Variants in SH2D3C observed in about 807,000 individuals in gnomAD.
SH2D3C encodes SH2 domain containing 3C.
In SH2D3C, 25 loss-of-function variants were observed where a neutral mutation model predicts 75.2. The observed-to-expected ratio is 0.33, with a 90% CI of 0.24 to 0.46. SH2D3C has a LOEUF of 0.46. SH2D3C is among the 20% of genes least tolerant of loss of function. The probability of loss-of-function intolerance (pLI) is 1.00; values close to 1 mark genes in which losing one functional copy is unlikely to be tolerated. For synonymous variants in SH2D3C, 450 were observed against 473.7 expected (o/e 0.95, Z 0.65); for missense variants, 933 against 1,165.3 (o/e 0.80, Z 2.90).
At chr9:127,762,223 C>T (rs1845545438) in intron 2 of SH2D3C, 1 of 1,201,778 alleles carries the variant, frequency 8.3e-7, no homozygotes. Context: ...GATTCTGCCC[C>T]CAGGGTGGAG....
chr9:127,749,674 G>A lies in SH2D3C; in HGVS notation c.685-9C>T. 2 of 1,525,002 alleles carry A rather than the reference G, an allele frequency of 1.3e-6. No individual in the cohort carries two copies. The highest frequency in any genetic ancestry group is 2.7e-5 in the African/African-American group (2 of 72,926). 94.5% of individuals were successfully genotyped at this position (1,525,002 alleles called of 1,614,324 possible). A position where few individuals can be genotyped will look rare whatever the true frequency, so the allele number is the denominator to read the frequency against. Reference sequence around the variant, plus strand: ...ACCAAGGTCTCCGAGACCTGCAGAAGGCATGGTTAGGCTGGAGTAGGGTGG... The same window carrying A: ...ACCAAGGTCTCCGAGACCTGCAGAAAGCATGGTTAGGCTGGAGTAGGGTGG... On this transcript the variant is annotated splice_polypyrimidine_tract_variant and intron_variant, in intron 4 of 11. Coordinates refer to ENST00000314830, the MANE Select transcript of SH2D3C (RefSeq NM_170600.3). This position sits in a 1 kb window ranked among gnomAD's most constrained non-coding sequence, Gnocchi z 5.9.
At chr9:127,770,557 G>A (rs1845714515) in intron 2 of SH2D3C, among the ~76,000 whole-genome samples, 2 of 152,166 alleles carry the variant, frequency 1.3e-5, no homozygotes, top group African/African-American at 2.4e-5. Context: ...CTTCTGGAAG[G>A]AATGTTCAAC....
rs545395585 is a variant in SH2D3C, at chr9:127,777,088, G to C, written c.37+1503C>G. Among the ~76,000 whole-genome samples, 3 of 152,296 alleles carry C rather than the reference G, an allele frequency of 2.0e-5. No homozygotes were observed. In the East Asian group the frequency reaches 5.8e-4, roughly 29 times the overall value. ...TGCTCAATAGCCCGTGTGACCTCAA[G>C]CAAGTCTCTGGGCCTCAGCGTTGCC... On this transcript the variant is annotated intron_variant, in intron 1 of 11. Coordinates refer to ENST00000314830, the MANE Select transcript of SH2D3C (RefSeq NM_170600.3).
At chr9:127,758,289 A>C (rs915305357) in intron 3 of SH2D3C, among the ~76,000 whole-genome samples, 4 of 152,178 alleles carry the variant, frequency 2.6e-5, no homozygotes, top group African/African-American at 9.7e-5. Context: ...CTGAGTCTTG[A>C]AACTAAAATT....
intron 2 of SH2D3C, chr9:127,771,366 C>G (rs1418826972): frequency 7.4e-7 from 1 of 1,355,502 alleles, no homozygotes; most frequent in Non-Finnish European, 9.5e-7. Context: ...CGCCCCCAGA[C>G]ACGCCCCTGC....
chr9:127,755,023 G>T, intron 3 of SH2D3C: 2 of 875,446 alleles, frequency 2.3e-6, no homozygotes, highest in South Asian at 5.0e-5. Context: ...GCCCCGGGCG[G>T]AGCGGCCGGG....
rs1305673080 is a variant in SH2D3C, at chr9:127,754,895, G to T, written c.556-3595C>A. On this transcript the variant is annotated intron_variant, in intron 3 of 11. Transcript: ENST00000314830. This position sits in a 1 kb window ranked among gnomAD's most constrained non-coding sequence, Gnocchi z 4.4. ...CCGCCGAACCCTCACCCCGCGGAGC[G>T]CCTGGGCGCCCAGAGGTGAGGCTGG... 2.0e-6 allele frequency: 1 copy of T among 510,390 alleles called. No individual in the cohort carries two copies. The highest frequency in any genetic ancestry group is 3.9e-6 in the Non-Finnish European group (1 of 254,596). 31.6% of individuals were successfully genotyped at this position (510,390 alleles called of 1,614,324 possible). A position where few individuals can be genotyped will look rare whatever the true frequency, so the allele number is the denominator to read the frequency against.
intron 3 of SH2D3C, among the ~76,000 whole-genome samples, chr9:127,757,630 G>GAGATT (rs1554798645): frequency 9.2e-5 from 7 of 76,360 alleles, no homozygotes; most frequent in African/African-American, 3.0e-4. Flanking sequence ...TGATGATGAT[G>GAGATT]ATGATGATGA....
chr9:127,765,517 C>T (rs1465930762), intron 2 of SH2D3C, among the ~76,000 whole-genome samples: 1 of 152,126 alleles, frequency 6.6e-6, no homozygotes, highest in African/African-American at 2.4e-5. Flanking sequence ...CTCTGTGACC[C>T]AGCCTCTGCT....
intron 3 of SH2D3C, among the ~76,000 whole-genome samples, chr9:127,755,509 AT>A (rs1845356794): frequency 6.6e-6 from 1 of 152,158 alleles, no homozygotes; most frequent in Admixed American, 6.5e-5. Flanking sequence ...GTGGGGACCC[AT>A]GGGCCAGCGA....
At chr9:127,770,177 C>T (rs745306126) in intron 2 of SH2D3C, among the ~76,000 whole-genome samples, 22 of 152,102 alleles carry the variant, frequency 1.4e-4, no homozygotes, top group Non-Finnish European at 2.9e-4. Context: ...AAGGTCCCTC[C>T]TCCCTCCTTC....
In SH2D3C at chr9:127,744,826, G is replaced by A; in HGVS notation, c.1538C>T (p.Thr513Ile). The A allele has an allele frequency of 2.5e-6, 4 of 1,614,196 alleles. No homozygotes were observed. Among genetic ancestry groups the A allele is most frequent in the South Asian group, 1.1e-5 (1 of 91,080 alleles). The change falls in exon 7 of 12, where the codon ACC becomes ATC. Residue 513 changes from threonine to isoleucine, a missense_variant. Coordinates refer to ENST00000314830, the MANE Select transcript of SH2D3C (RefSeq NM_170600.3). ...RGSREWAATE[T>I]SSQQARSYGE... Reference sequence around the variant, plus strand: ...ATAGCTCCTGGCCTGCTGGCTGGAGGTCTCAGTCGCTGCCCACTCTCGGCT... The same window carrying A: ...ATAGCTCCTGGCCTGCTGGCTGGAGATCTCAGTCGCTGCCCACTCTCGGCT...
intron 2 of SH2D3C, among the ~76,000 whole-genome samples, chr9:127,766,662 C>T (rs1454385739): frequency 4.6e-5 from 7 of 152,138 alleles, no homozygotes; most frequent in Admixed American, 1.3e-4. Flanking sequence ...CTCTGCCTCC[C>T]GGGTTCAAGT....
intron 2 of SH2D3C, chr9:127,771,488 A>G: frequency 1.3e-6 from 1 of 760,886 alleles, no homozygotes; most frequent in Non-Finnish European, 1.9e-6. Flanking sequence ...CCCATCAGTC[A>G]GTGTCGGGAA....
At chr9:127,764,661 C>T (rs539734895) in intron 2 of SH2D3C, among the ~76,000 whole-genome samples, 6 of 152,248 alleles carry the variant, frequency 3.9e-5, no homozygotes, top group Non-Finnish European at 8.8e-5. Flanking sequence ...AATATTTTTC[C>T]GGCAGATATC....
At chr9:127,767,195 G>A (rs775588115) in intron 2 of SH2D3C, 487 of 1,531,362 alleles carry the variant, frequency 3.2e-4, no homozygotes, top group Non-Finnish European at 3.9e-4. Context: ...GTGAGGAGAA[G>A]GCAGAGCAGG....
In SH2D3C at chr9:127,749,540, C is replaced by T. The variant is rs771238992; in HGVS notation, c.810G>A (p.Val270=). The change falls in exon 5 of 12, where the codon GTG becomes GTA. Residue 270 remains valine, a synonymous_variant. Transcript: ENST00000314830. The surrounding 1 kb of genome is among the most constrained non-coding windows in gnomAD (Gnocchi z 5.9). The part of the protein sequence containing the change: ...NQALHFKINK[V]VVKAGESYTH... ...TGTAGCTCTCGCCTGCCTTCACCAC[C>T]ACCTTGTTGATCTTGAAGTGCAAGG... is the stretch of plus-strand genomic sequence containing the variant. The T allele has an allele frequency of 2.0e-5, 33 of 1,611,718 alleles. No individual in the cohort carries two copies. Among genetic ancestry groups the T allele is most frequent in the African/African-American group, 4.0e-5 (3 of 74,190 alleles).
At position 127,754,792 on chromosome 9, in the gene SH2D3C, C is replaced by A. The variant is rs567999439; in HGVS notation, c.556-3492G>T. The A allele has an allele frequency of 8.3e-6, 4 of 479,816 alleles. No homozygotes were observed. The highest frequency in any genetic ancestry group is 6.2e-5 in the South Asian group (4 of 64,518). The allele number at this position is 479,816 out of a possible 1,614,324, so 29.7% of individuals were successfully genotyped here. On this transcript the variant is annotated intron_variant, in intron 3 of 11. Transcript: ENST00000314830. This position sits in a 1 kb window ranked among gnomAD's most constrained non-coding sequence, Gnocchi z 4.4. The stretch of plus-strand genomic sequence containing the variant: ...CCGGAGACCCCATCTCCCAGTCCCC[C>A]CTGCCCCAGCTCTCTCCCTCCTGCG...
In SH2D3C at chr9:127,747,215, T is replaced by C. The variant is rs1203524679; in HGVS notation, c.1196A>G (p.Gln399Arg). Residue 399 changes from glutamine to arginine, a missense_variant, in exon 6 of 12, where the codon CAG (glutamine) becomes CGG (arginine). By Grantham distance (43) the Gln-to-Arg change is conservative (BLOSUM62 1). Coordinates refer to ENST00000314830, the MANE Select transcript of SH2D3C (RefSeq NM_170600.3). ...CATGGGTGAGTGCAGGTCTGGGATC[T>C]GGTCCATGCTGAGGGCACAGCTGCG... ...SIRSCALSMD[Q>R]IPDLHSPMSP... 6.2e-7 allele frequency: 1 copy of C among 1,613,886 alleles called. No homozygotes were observed. Among genetic ancestry groups the C allele is most frequent in the African/African-American group, 1.3e-5 (1 of 74,926 alleles).
Sources: allele counts gnomAD v4.1 joint callset (sites outside exome capture counted in the v4.1 genomes callset), GRCh38; gene constraint gnomAD v4.1.1; non-coding constraint Gnocchi (gnomAD v3.1); transcripts MANE v1.5; gene names NCBI Gene and HGNC (gene_info 2026-07-23, HGNC 2026-07-21).